The following COA1 variants were observed in gnomAD, a reference collection of about 807,000 sequenced individuals.
The protein encoded by COA1 is cytochrome c oxidase assembly factor 1.
Under a neutral mutation model 16.0 loss-of-function variants are expected in COA1, and 13 were observed. That is an observed-to-expected ratio of 0.81 (90% CI 0.53 to 1.29). COA1 has a LOEUF of 1.29. COA1 is among the 50% of genes most tolerant of loss of function. The probability of loss-of-function intolerance (pLI) is 0.00; values close to 1 mark genes in which losing one functional copy is unlikely to be tolerated. For missense variants in COA1, 179 were observed against 177.0 expected (o/e 1.01, Z -0.06); for synonymous variants, 65 against 65.7 (o/e 0.99, Z 0.05).
chr7:43,725,842 A>C (rs1302238179), intron 1 of COA1, among the ~76,000 whole-genome samples: 1 of 151,564 alleles, frequency 6.6e-6, no homozygotes, highest in Admixed American at 6.6e-5. Context: ...CTGGGTACCA[A>C]GAGCGAAACT....
Position 43,666,977 on chromosome 7 carries a change from G to A in COA1, c.-38-18325C>T, listed in dbSNP as rs538874993. On this transcript the variant is annotated intron_variant, in intron 1 of 5. Coordinates refer to ENST00000223336, the MANE Select transcript of COA1 (RefSeq NM_018224.4). ...ACACTAATCTGCCCTTTAGTAAAAG[G>A]GTTATAAAAGGCTTGTGAAAATTTC... Among the ~76,000 whole-genome samples, 13 of 152,232 alleles carry A rather than the reference G, an allele frequency of 8.5e-5. No homozygotes were observed. The South Asian group carries it at 2.7e-3, about 32-fold the overall frequency.
chr7:43,619,670 T>A (rs1343934361), intron 6 of COA1: 2 of 1,614,112 alleles, frequency 1.2e-6, no homozygotes, highest in South Asian at 2.2e-5. Flanking sequence ...CTTTCAAGAA[T>A]ATTGAAGAAC....
chr7:43,629,933 T>G (rs2085000858), intron 6 of COA1, among the ~76,000 whole-genome samples: 1 of 152,226 alleles, frequency 6.6e-6, no homozygotes, highest in South Asian at 2.1e-4. Flanking sequence ...AACTTAATTT[T>G]GGGTTTCTTT....
rs180710367 is a variant in COA1 at position 43,694,031 on chromosome 7, A to G, written c.-39+35398T>C. Among the ~76,000 whole-genome samples the G allele has an allele frequency of 3.8e-3, 570 of 150,854 alleles. 3 individuals carry two copies. The highest frequency in any genetic ancestry group is 4.0e-3 in the Non-Finnish European group (269 of 67,738). On this transcript the variant is annotated intron_variant, in intron 1 of 5. Coordinates refer to ENST00000223336, the MANE Select transcript of COA1 (RefSeq NM_018224.4). ...TGCTTCCTAATTCACTAAGAAAACC[A>G]CAGCAACAAGGATCTACCAGTTCAC...
intron 1 of COA1, among the ~76,000 whole-genome samples, chr7:43,665,132 GA>G (rs1226243084): frequency 6.6e-6 from 1 of 151,258 alleles, no homozygotes; most frequent in Non-Finnish European, 1.5e-5. Flanking sequence ...GCTTTTGGTG[GA>G]AAAAAAAATT....
At chr7:43,652,990 CA>C (rs1366449793) in intron 1 of COA1, among the ~76,000 whole-genome samples, 2 of 152,038 alleles carry the variant, frequency 1.3e-5, no homozygotes, top group African/African-American at 4.8e-5. Flanking sequence ...AAACAAAATC[CA>C]AAAGGCCAAA....
chr7:43,622,584 G>C (rs1308202317), intron 6 of COA1: 1 of 151,958 alleles, frequency 6.6e-6, no homozygotes, highest in Non-Finnish European at 1.5e-5. Context: ...TGGATTGTGA[G>C]TAGATTTTTT....
chr7:43,715,415 T>C (rs1458166220), intron 1 of COA1, among the ~76,000 whole-genome samples: 1 of 151,852 alleles, frequency 6.6e-6, no homozygotes, highest in Non-Finnish European at 1.5e-5. Flanking sequence ...GAGGCAGACG[T>C]TGCAGTGAGC....
chr7:43,660,751 C>T (rs1052921860), intron 1 of COA1, among the ~76,000 whole-genome samples: 2 of 152,124 alleles, frequency 1.3e-5, no homozygotes, highest in African/African-American at 4.8e-5. Flanking sequence ...TCCAAATGCC[C>T]TAATTTGGCC....
At chr7:43,629,254 TTTC>T (rs1297390809) in intron 6 of COA1, among the ~76,000 whole-genome samples, 8 of 152,228 alleles carry the variant, frequency 5.3e-5, no homozygotes, top group Admixed American at 3.9e-4. Context: ...GACGTTCTAA[TTTC>T]TTCTTCTGCA....
At chr7:43,643,751 A>G (rs1223973227) in intron 4 of COA1, among the ~76,000 whole-genome samples, 1 of 152,118 alleles carries the variant, frequency 6.6e-6, no homozygotes, top group Non-Finnish European at 1.5e-5. Flanking sequence ...TCTCTCTCCT[A>G]AAGATGGCTC....
intron 1 of COA1, among the ~76,000 whole-genome samples, chr7:43,712,258 G>A (rs1407292330): frequency 4.6e-5 from 7 of 151,872 alleles, no homozygotes; most frequent in African/African-American, 9.7e-5. Flanking sequence ...GACTACAGGC[G>A]CCCACCACCA....
At chr7:43,644,986 C>T (rs1307569180) in intron 4 of COA1, among the ~76,000 whole-genome samples, 2 of 151,964 alleles carry the variant, frequency 1.3e-5, no homozygotes, top group Non-Finnish European at 2.9e-5. Context: ...TTCAAGATGG[C>T]GACATCAGCA....
chr7:43,706,693 A>G (rs1244348133), intron 1 of COA1, among the ~76,000 whole-genome samples: 1 of 151,782 alleles, frequency 6.6e-6, no homozygotes, highest in African/African-American at 2.4e-5. Flanking sequence ...ACATAGTGAA[A>G]GACTGTCTCC....
chr7:43,688,800 AGAGGT>A, intron 1 of COA1, among the ~76,000 whole-genome samples: 1 of 152,264 alleles, frequency 6.6e-6, no homozygotes, highest in Non-Finnish European at 1.5e-5. Context: ...CCAGTAGGAA[AGAGGT>A]AAAGCAGGGC....
intron 1 of COA1, among the ~76,000 whole-genome samples, chr7:43,683,596 T>C (rs889209932): frequency 1.3e-5 from 2 of 152,034 alleles, no homozygotes; most frequent in Non-Finnish European, 2.9e-5. Context: ...ATTGCGCCAC[T>C]GCACTCCAGC....
intron 1 of COA1, among the ~76,000 whole-genome samples, chr7:43,701,226 T>C (rs982215253): frequency 1.3e-5 from 2 of 152,060 alleles, no homozygotes; most frequent in Non-Finnish European, 1.5e-5. Flanking sequence ...TAGTACCCAA[T>C]AGGTAGTTTT....
At position 43,617,153 on chromosome 7, in the gene COA1, G is replaced by A. The variant is rs575792042; in HGVS notation, c.*134-7658C>T. ...CAGCTTCATGGAGCCGGGGGATCAT[G>A]GCATATGATGAGTCTGGAGAGCTAG... On this transcript the variant is annotated intron_variant and NMD_transcript_variant, in intron 6 of 6. Transcript: ENST00000415076. Among the ~76,000 whole-genome samples, 3 of 150,242 alleles carry A rather than the reference G, an allele frequency of 2.0e-5. No individual in the cohort carries two copies. In the East Asian group the frequency reaches 5.8e-4, roughly 29 times the overall value.
chr7:43,611,350 C>T (rs1327241657), intron 6 of COA1, among the ~76,000 whole-genome samples: 1 of 152,156 alleles, frequency 6.6e-6, no homozygotes, highest in Non-Finnish European at 1.5e-5. Context: ...ACACATTTAT[C>T]TTTTCTCAAA....
Sources: gnomAD v4.1 joint callset for allele counts (sites outside exome capture counted in the v4.1 genomes callset) on GRCh38, gnomAD v4.1.1 for gene constraint, MANE v1.5 for transcripts, NCBI Gene and HGNC (gene_info 2026-07-23, HGNC 2026-07-21) for gene names.